Variants in SDK1 observed in about 807,000 individuals in gnomAD.
SDK1 encodes sidekick cell adhesion molecule 1, also known as protein sidekick-1.
Under a neutral mutation model 245.5 loss-of-function variants are expected in SDK1, and 157 were observed. The ratio of observed to expected loss-of-function variants is 0.64; its 90% confidence interval spans 0.56 to 0.73. SDK1 has a LOEUF of 0.73. Among genes scored for constraint, SDK1 ranks in the 30% least tolerant of loss-of-function variants. The probability of loss-of-function intolerance (pLI) is 0.00; values close to 1 mark genes in which losing one functional copy is unlikely to be tolerated. For missense variants in SDK1, 3,583 were observed against 3,002.3 expected, an observed-to-expected ratio of 1.19 and a Z score of -4.52; for synonymous variants, 1,647 against 1,278.5, an observed-to-expected ratio of 1.29 and a Z score of -6.15.
intron 1 of SDK1, among the ~76,000 whole-genome samples, chr7:3,587,280 G>A (rs550250551): frequency 1.3e-5 from 2 of 149,434 alleles, no homozygotes; most frequent in African/African-American, 2.5e-5. Flanking sequence ...TATTAGTCAA[G>A]ATTCTCCAGA....
chr7:3,911,938 G>A (rs766945192), intron 5 of SDK1, among the ~76,000 whole-genome samples: 2 of 152,158 alleles, frequency 1.3e-5, no homozygotes, highest in Non-Finnish European at 2.9e-5. Context: ...ACTTGCACCT[G>A]GAAGGATGAC....
At chr7:3,447,772 T>G (rs1463175146) in intron 1 of SDK1, among the ~76,000 whole-genome samples, 1 of 147,892 alleles carries the variant, frequency 6.8e-6, no homozygotes, top group Non-Finnish European at 1.5e-5. Context: ...TGGCATGATC[T>G]CGGCTCACCG....
rs1488076510 is a variant in SDK1, at chr7:3,967,324, C to T, written c.1436C>T (p.Ala479Val). 2.5e-6 allele frequency: 4 copies of T among 1,612,990 alleles called. No individual in the cohort carries two copies. In the South Asian group the frequency reaches 4.4e-5, roughly 18 times the overall value. The change falls in exon 10 of 45, where the codon GCT (alanine) becomes GTT (valine). Residue 479 changes from alanine (A) to valine (V), a missense_variant. Physicochemically the swap from Ala to Val is moderately conservative, Grantham distance 64 (BLOSUM62 0). Transcript: ENST00000404826. ...THTYLDVTNI[A>V]PVFTQRPVDT... ...CATTTACTCCTCTTCTCAGATATCG[C>T]TCCAGTGTTCACCCAGCGGCCAGTG...
At chr7:3,947,572 T>TGTA (rs1780631334) in intron 5 of SDK1, among the ~76,000 whole-genome samples, 1 of 137,102 alleles carries the variant, frequency 7.3e-6, no homozygotes, top group African/African-American at 2.6e-5. Context: ...GTGTGTGTAT[T>TGTA]TTTTTGTAAA....
At chr7:3,495,422 G>C (rs570697187) in intron 1 of SDK1, among the ~76,000 whole-genome samples, 1 of 151,694 alleles carries the variant, frequency 6.6e-6, no homozygotes, top group Admixed American at 6.6e-5. Flanking sequence ...CCACACTGGA[G>C]TAATTTTTGT....
chr7:3,943,403 C>T (rs1780447154), intron 5 of SDK1, among the ~76,000 whole-genome samples: 3 of 3,794 alleles, frequency 7.9e-4, no homozygotes, highest in Admixed American at 5.6e-3. Flanking sequence ...CTTCCTCCTC[C>T]TCCGTCCTCC....
chr7:4,117,683 G>T (rs1273590720), intron 25 of SDK1, among the ~76,000 whole-genome samples: 1 of 152,142 alleles, frequency 6.6e-6, no homozygotes, highest in Non-Finnish European at 1.5e-5. Context: ...CCTGGGCCCA[G>T]CAGTGCCCAG....
intron 25 of SDK1, among the ~76,000 whole-genome samples, chr7:4,125,501 G>GGATGGATGGATGGA (rs1784338229): frequency 6.6e-6 from 1 of 151,812 alleles, no homozygotes; most frequent in Non-Finnish European, 1.5e-5. Flanking sequence ...ATGGATGGAT[G>GGATGGATGGATGGA]GATGGATGGA....
At chr7:3,478,497 A>G (rs768461343) in intron 1 of SDK1, among the ~76,000 whole-genome samples, 11 of 152,092 alleles carry the variant, frequency 7.2e-5, no homozygotes, top group Non-Finnish European at 1.5e-4. Flanking sequence ...CTCTTTAAAT[A>G]TATTCAACTT....
chr7:3,682,716 T>A (rs1019092343), intron 4 of SDK1, among the ~76,000 whole-genome samples: 4 of 62,336 alleles, frequency 6.4e-5, no homozygotes, highest in Non-Finnish European at 1.0e-4. Flanking sequence ...AGCGTTTGGA[T>A]TTACAGTTTT....
rs148167983 is a variant in SDK1, at chr7:4,126,800, A to G, written c.3824-581A>G. Among the ~76,000 whole-genome samples the G allele has an allele frequency of 7.2e-5, 11 of 152,350 alleles. No homozygotes were observed. The East Asian group carries it at 1.9e-3, about 27-fold the overall frequency. On this transcript the variant is annotated intron_variant, in intron 25 of 44. Coordinates refer to ENST00000404826, the MANE Select transcript of SDK1 (RefSeq NM_152744.4). ...GAAAAACATTCATTGAAATGGATGA[A>G]TGCGATTTTCTCAGCTTTAGTTTTC...
intron 1 of SDK1, among the ~76,000 whole-genome samples, chr7:3,479,347 G>T (rs763238393): frequency 1.3e-5 from 2 of 149,750 alleles, no homozygotes; most frequent in Non-Finnish European, 3.0e-5. Context: ...GATTGAACCC[G>T]GGAGGTAGAG....
chr7:3,685,801 C>A (rs1162937655), intron 4 of SDK1, among the ~76,000 whole-genome samples: 1 of 151,816 alleles, frequency 6.6e-6, no homozygotes, highest in African/African-American at 2.4e-5. Context: ...AAATAAATCA[C>A]AACGGACTTC....
intron 25 of SDK1, among the ~76,000 whole-genome samples, chr7:4,124,345 G>T (rs1784246279): frequency 6.6e-6 from 1 of 152,190 alleles, no homozygotes; most frequent in African/African-American, 2.4e-5. Context: ...GCTTGGGAAG[G>T]ATCTGTCCTG....
intron 1 of SDK1, among the ~76,000 whole-genome samples, chr7:3,440,046 C>G (rs948442300): frequency 6.6e-6 from 1 of 152,144 alleles, no homozygotes; most frequent in Non-Finnish European, 1.5e-5. Context: ...TCCCCTCTCA[C>G]CTGCATATTC....
At chr7:3,592,682 G>A (rs1273398791) in intron 1 of SDK1, among the ~76,000 whole-genome samples, 2 of 152,142 alleles carry the variant, frequency 1.3e-5, no homozygotes, top group East Asian at 1.9e-4. Flanking sequence ...TGCACAGCAG[G>A]CTGATGAAGC....
intron 17 of SDK1, among the ~76,000 whole-genome samples, chr7:4,024,887 C>T (rs572915612): frequency 1.5e-5 from 2 of 133,560 alleles, no homozygotes; most frequent in East Asian, 4.1e-4. Context: ...CTTCCAGATT[C>T]CCACAGCCGC....
At chr7:4,148,058 C>G (rs1049249605) in intron 29 of SDK1, among the ~76,000 whole-genome samples, 54 of 152,062 alleles carry the variant, frequency 3.6e-4, no homozygotes, top group Non-Finnish European at 2.9e-5. Context: ...ATCCTCCATC[C>G]TCGTGGCTCA....
At chr7:3,313,758 A>G (rs1328723020) in intron 1 of SDK1, among the ~76,000 whole-genome samples, 1 of 152,236 alleles carries the variant, frequency 6.6e-6, no homozygotes, top group Non-Finnish European at 1.5e-5. Context: ...CATGGTGACT[A>G]TAATTAATGA....
Sources: gnomAD v4.1 joint callset for allele counts (sites outside exome capture counted in the v4.1 genomes callset) on GRCh38, gnomAD v4.1.1 for gene constraint, MANE v1.5 for transcripts, NCBI Gene and HGNC (gene_info 2026-07-23, HGNC 2026-07-21) for gene names.